ITGA2: variants seen among roughly 807,000 people sequenced by gnomAD.
The protein encoded by ITGA2 is integrin subunit alpha 2.
In ITGA2, 101 loss-of-function variants were observed where a neutral mutation model predicts 146.3. The observed-to-expected ratio is 0.69, with a 90% CI of 0.59 to 0.81. The LOEUF (loss-of-function observed/expected upper bound fraction) is 0.81. ITGA2 is among the 40% of genes least tolerant of loss of function. The probability of loss-of-function intolerance (pLI) is 0.00; values close to 1 mark genes in which losing one functional copy is unlikely to be tolerated. For synonymous variants in ITGA2, 477 were observed against 487.1 expected (o/e 0.98, Z 0.27); for missense variants, 1,281 against 1,402.7 (o/e 0.91, Z 1.39).
intron 1 of ITGA2, among the ~76,000 whole-genome samples, chr5:53,023,522 A>G (rs1019930648): frequency 9.2e-5 from 14 of 152,222 alleles, no homozygotes; most frequent in African/African-American, 3.4e-4. Flanking sequence ...TAAAATTACC[A>G]TAATGGAAAT....
chr5:53,007,539 C>T (rs567679693), intron 1 of ITGA2, among the ~76,000 whole-genome samples: 2 of 151,862 alleles, frequency 1.3e-5, no homozygotes, highest in South Asian at 4.2e-4. Context: ...AAAGTTTATC[C>T]TTTCACATAG....
At chr5:53,023,364 C>T (rs1357754120) in intron 1 of ITGA2, among the ~76,000 whole-genome samples, 1 of 152,196 alleles carries the variant, frequency 6.6e-6, no homozygotes, top group Non-Finnish European at 1.5e-5. Context: ...GTAGTGAATT[C>T]CAACTTGTCC....
intron 9 of ITGA2, among the ~76,000 whole-genome samples, 188 bp downstream of exon 9, chr5:53,056,337 A>T (rs1744632883): frequency 6.6e-6 from 1 of 152,060 alleles, no homozygotes; most frequent in Admixed American, 6.6e-5. Context: ...ATGACTGATA[A>T]ACATAAGAAA....
intron 23 of ITGA2, among the ~76,000 whole-genome samples, chr5:53,076,986 T>G (rs1745689429): frequency 6.6e-6 from 1 of 151,986 alleles, no homozygotes; most frequent in Non-Finnish European, 1.5e-5. Context: ...CAGAATATCT[T>G]CCAGATACAG....
In ITGA2 at chr5:53,092,775, A is replaced by C. The variant is rs1740491457; in HGVS notation, c.*2176A>C. ...AGCCCAGGAGTTCAAGTCCAGCCTA[A>C]GCAACATAGCAAGACCCTGTCTCAA... is the stretch of plus-strand genomic sequence containing the variant. On this transcript the variant is annotated 3_prime_UTR_variant, in exon 30 of 30. Transcript: ENST00000296585. 1 of 152,262 alleles carries C rather than the reference A, an allele frequency of 6.6e-6. No individual in the cohort carries two copies. The allele number at this position is 152,262 out of a possible 1,614,324, so 9.4% of individuals were successfully genotyped here.
Position 52,991,254 on chromosome 5 carries a change from C to G in ITGA2, c.64+1722C>G, listed in dbSNP as rs539167445. Reference sequence around the variant, plus strand: ...AATTTAAGATCCTCATAAGAAAGCTCTCTCATTTGTGATATCACTTGAGGT... The same window carrying G: ...AATTTAAGATCCTCATAAGAAAGCTGTCTCATTTGTGATATCACTTGAGGT... On this transcript the variant is annotated intron_variant, in intron 1 of 29. Coordinates refer to ENST00000296585, the MANE Select transcript of ITGA2 (RefSeq NM_002203.4). Among the ~76,000 whole-genome samples, 128 of 152,266 alleles carry G rather than the reference C, an allele frequency of 8.4e-4. 1 individual carries two copies. Among genetic ancestry groups the G allele is most frequent in the East Asian group, 9.7e-4 (5 of 5,178 alleles).
intron 2 of ITGA2, among the ~76,000 whole-genome samples, chr5:53,033,655 TG>T (rs1743347022): frequency 3.3e-5 from 5 of 152,132 alleles, no homozygotes; most frequent in Admixed American, 1.3e-4. Context: ...TGGAATGCAG[TG>T]GCTCAATTTT....
At chr5:53,068,153 G>T (rs1397272177) in intron 16 of ITGA2, among the ~76,000 whole-genome samples, 1 of 151,840 alleles carries the variant, frequency 6.6e-6, no homozygotes. Context: ...TACAGAAGCA[G>T]GTTATTTGCC....
chr5:53,000,730 A>G (rs1009832859), intron 1 of ITGA2, among the ~76,000 whole-genome samples: 2 of 151,998 alleles, frequency 1.3e-5, no homozygotes, highest in Non-Finnish European at 2.9e-5. Flanking sequence ...TCCCCTTCAC[A>G]ACTTTTGTAA....
intron 1 of ITGA2, among the ~76,000 whole-genome samples, chr5:53,020,837 A>G (rs1369991596): frequency 6.7e-6 from 1 of 148,818 alleles, no homozygotes; most frequent in Non-Finnish European, 1.5e-5. Context: ...ATGTGCCACC[A>G]TGTCCGGCTA....
rs3212566 is a variant in ITGA2 at position 53,070,343 on chromosome 5, A to C, written c.2235+83A>C. 1.8e-3 allele frequency: 2,489 copies of C among 1,396,236 alleles called. 30 individuals are homozygous for C. The African/African-American group carries it at 0.025, about 14-fold the overall frequency. The allele number at this position is 1,396,236 out of a possible 1,614,324, so 86.5% of individuals were successfully genotyped here. ...TAAAAGTCAAAAATGGAAGCTTATGAGTTAGAAAATGCTCACCCTTCCAAT... is the reference window on the plus strand; with the variant it reads ...TAAAAGTCAAAAATGGAAGCTTATGCGTTAGAAAATGCTCACCCTTCCAAT... On this transcript the variant is annotated intron_variant, in intron 17 of 29. Transcript: ENST00000296585.
chr5:53,054,645 A>G (rs1744542466), intron 7 of ITGA2, among the ~76,000 whole-genome samples: 1 of 152,176 alleles, frequency 6.6e-6, no homozygotes, highest in Non-Finnish European at 1.5e-5. Flanking sequence ...AGACATTTAA[A>G]AAAAGAATGA....
At position 53,042,143 on chromosome 5, in the gene ITGA2, C is replaced by T; in HGVS notation, c.217C>T (p.Pro73Ser). The T allele has an allele frequency of 3.1e-6, 5 of 1,613,316 alleles. No individual in the cohort carries two copies. Among genetic ancestry groups the T allele is most frequent in the East Asian group, 2.2e-5 (1 of 44,856 alleles). The change falls in exon 3 of 30, where the codon CCT becomes TCT. Residue 73 changes from proline (P) to serine (S), a missense_variant. Physicochemically the swap from Pro to Ser is moderately conservative, Grantham distance 74. Coordinates refer to ENST00000296585, the MANE Select transcript of ITGA2 (RefSeq NM_002203.4). ...LLVGSPWSGF[P>S]ENRMGDVYKC... ...GGTTGGTTCACCCTGGAGTGGCTTTCCTGAGAACCGAATGGGAGATGTGTA... is the reference window on the plus strand; with the variant it reads ...GGTTGGTTCACCCTGGAGTGGCTTTTCTGAGAACCGAATGGGAGATGTGTA...
chr5:52,989,420 C>T lies in ITGA2; in HGVS notation c.-49C>T, dbSNP rs1281256406. ...ATCCCTCGGCCAAGGGTATCCTCTG[C>T]AAACCTCTGCAAACCCAGCGCAACT... On this transcript the variant is annotated 5_prime_UTR_variant, in exon 1 of 30. Transcript: ENST00000296585. 6.3e-7 allele frequency: 1 copy of T among 1,597,956 alleles called. No homozygotes were observed. The highest frequency in any genetic ancestry group is 1.7e-5 in the Admixed American group (1 of 59,994).
chr5:53,036,496 G>A (rs531214363), intron 2 of ITGA2, among the ~76,000 whole-genome samples: 52 of 152,114 alleles, frequency 3.4e-4, no homozygotes, highest in African/African-American at 1.2e-3. Context: ...TGCTGTTCCC[G>A]CAGCCTAGAC....
chr5:52,999,921 G>T (rs1347095631), intron 1 of ITGA2, among the ~76,000 whole-genome samples: 1 of 152,030 alleles, frequency 6.6e-6, no homozygotes, highest in African/African-American at 2.4e-5. Flanking sequence ...AGATTTCCAG[G>T]ATCCCAGAAG....
In ITGA2 at chr5:53,093,965, T is replaced by C. The variant is rs574487733; in HGVS notation, c.*3366T>C. 5 of 117,864 alleles carry C rather than the reference T, an allele frequency of 4.2e-5. No homozygotes were observed. In the South Asian group the frequency reaches 1.2e-3, roughly 29 times the overall value. The allele number at this position is 117,864 out of a possible 1,614,324, so 7.3% of individuals were successfully genotyped here. On this transcript the variant is annotated 3_prime_UTR_variant, in exon 30 of 30. Transcript: ENST00000296585. ...GTTATTCTTGTAAAATAGTTACCTA[T>C]TAAAACTGTGAAGAGTAAAACTAAA...
chr5:53,031,812 G>A (rs1282982465), intron 2 of ITGA2, among the ~76,000 whole-genome samples: 1 of 152,152 alleles, frequency 6.6e-6, no homozygotes, highest in African/African-American at 2.4e-5. Flanking sequence ...TAGGCGGAGG[G>A]CCATCCCGCT....
At chr5:53,029,425 A>T (rs1398274670) in intron 2 of ITGA2, among the ~76,000 whole-genome samples, 1 of 152,160 alleles carries the variant, frequency 6.6e-6, no homozygotes, top group African/African-American at 2.4e-5. Flanking sequence ...CTGTTCCTTG[A>T]ACATGCCTAG....
Sources: allele counts gnomAD v4.1 joint callset (sites outside exome capture counted in the v4.1 genomes callset), GRCh38; gene constraint gnomAD v4.1.1; transcripts MANE v1.5; gene names NCBI Gene and HGNC (gene_info 2026-07-23, HGNC 2026-07-21).